PIWIL3: variants seen among roughly 807,000 people sequenced by gnomAD.
The protein encoded by PIWIL3 is piwi-like protein 3.
A neutral mutation model predicts 109.7 loss-of-function variants in PIWIL3; 101 were observed. The observed-to-expected ratio is 0.92, with a 90% CI of 0.78 to 1.09. The LOEUF (loss-of-function observed/expected upper bound fraction) is 1.09, where lower values mean the gene tolerates loss of function less well. Ranked by LOEUF, PIWIL3 falls within the 50% of genes least tolerant of loss-of-function variation. The pLI, the probability that PIWIL3 is intolerant of heterozygous loss-of-function variation, is 0.00. For synonymous variants in PIWIL3, 373 were observed against 376.4 expected, an observed-to-expected ratio of 0.99 and a Z score of 0.10; for missense variants, 1,031 against 1,072.6, an observed-to-expected ratio of 0.96 and a Z score of 0.54.
rs536970204 is a variant in PIWIL3, at chr22:24,732,680, G to A, written c.1707+1404C>T. 1.1e-4 allele frequency among the ~76,000 whole-genome samples: 17 copies of A among 152,218 alleles called. No homozygotes were observed. The South Asian group carries it at 3.5e-3, about 32-fold the overall frequency. The stretch of plus-strand genomic sequence containing the variant: ...CTACTAAAAATACAAAAAATTAGCC[G>A]GGTGTGGCGGCAGGCGCCTGTAGTC... On this transcript the variant is annotated intron_variant, in intron 14 of 20. Transcript: ENST00000616349.
rs57298578 is a variant in PIWIL3, at chr22:24,757,659, TACACACACACACAC to T, written c.355+235_355+248del. ...ACACATATATAAAATATGTATATAT[TACACACACACACAC>T]ACACACACACACACACACACACACA... On this transcript the variant is annotated intron_variant, in intron 4 of 20. Coordinates refer to ENST00000616349, the MANE Select transcript of PIWIL3 (RefSeq NM_001255975.1). Among the ~76,000 whole-genome samples, 107 of 109,874 alleles carry T rather than the reference TACACACACACACAC, an allele frequency of 9.7e-4. 1 individual carries two copies. Among genetic ancestry groups the T allele is most frequent in the Admixed American group, 4.6e-3 (49 of 10,742 alleles). 72.1% of individuals were successfully genotyped at this position (109,874 alleles called of 152,430 possible). A position where few individuals can be genotyped will look rare whatever the true frequency, so the allele number is the denominator to read the frequency against.
intron 1 of PIWIL3, among the ~76,000 whole-genome samples, chr22:24,771,776 C>T (rs1926146872): frequency 6.6e-6 from 1 of 151,988 alleles, no homozygotes; most frequent in Non-Finnish European, 1.5e-5. Flanking sequence ...CCCTGTCGCC[C>T]AGGCTGGAGT....
chr22:24,762,376 G>C (rs1198153010), intron 2 of PIWIL3, 22 bp downstream of exon 2: 3 of 1,600,554 alleles, frequency 1.9e-6, no homozygotes, highest in Non-Finnish European at 2.6e-6. Context: ...TTGCAGAAAG[G>C]AAACAACGTT....
intron 19 of PIWIL3, 63 bp downstream of exon 19, chr22:24,723,067 G>A (rs1922769700): frequency 6.5e-7 from 1 of 1,537,962 alleles, no homozygotes; most frequent in African/African-American, 1.4e-5. Flanking sequence ...TTAAGTGATT[G>A]TGCTGAACTG....
chr22:24,748,724 G>C (rs1212418220), intron 12 of PIWIL3, among the ~76,000 whole-genome samples, 183 bp downstream of exon 12: 1 of 152,116 alleles, frequency 6.6e-6, no homozygotes, highest in Non-Finnish European at 1.5e-5. Flanking sequence ...ATAATACAGA[G>C]CTTACTATGT....
chr22:24,723,661 G>A (rs961284158), intron 18 of PIWIL3, among the ~76,000 whole-genome samples: 2 of 152,146 alleles, frequency 1.3e-5, no homozygotes, highest in African/African-American at 4.8e-5. Flanking sequence ...TGAACTATTG[G>A]CAGACTATGT....
rs574210560 is a variant in PIWIL3 at position 24,740,303 on chromosome 22, C to T, written c.1450-4411G>A. On this transcript the variant is annotated intron_variant, in intron 12 of 20. Transcript: ENST00000616349. The stretch of plus-strand genomic sequence containing the variant: ...ATGGCCCACTCCTGTAATCCCAGCA[C>T]TTTGGGAGCCCGAGGCGGGTGGATC... 6.0e-5 allele frequency among the ~76,000 whole-genome samples: 9 copies of T among 150,146 alleles called. 1 individual carries two copies. The South Asian group carries it at 6.3e-4, about 11-fold the overall frequency.
At position 24,756,544 on chromosome 22, in the gene PIWIL3, G is replaced by T; in HGVS notation, c.517C>A (p.Arg173Ser). 1 of 1,614,058 alleles carries T rather than the reference G, an allele frequency of 6.2e-7. No individual in the cohort carries two copies. Among genetic ancestry groups the T allele is most frequent in the Non-Finnish European group, 8.5e-7 (1 of 1,179,962 alleles). Residue 173 changes from arginine (R) to serine (S), a missense_variant, in exon 5 of 21, where the codon CGC (arginine) becomes AGC (serine). Transcript: ENST00000616349. ...LDQHRRKFGE[R>S]HIFDGNSLLL... ...AAAGAGTTTCCATCAAATATATGGCGCTCTCCAAATTTCCTTCTATGTTGA... is the reference window on the plus strand; with the variant it reads ...AAAGAGTTTCCATCAAATATATGGCTCTCTCCAAATTTCCTTCTATGTTGA...
At chr22:24,739,099 A>T (rs1923830166) in intron 12 of PIWIL3, among the ~76,000 whole-genome samples, 1 of 152,106 alleles carries the variant, frequency 6.6e-6, no homozygotes, top group African/African-American at 2.4e-5. Context: ...AGAGTCTCTT[A>T]AGAGCAGAAT....
At chr22:24,737,659 A>T (rs1207956041) in intron 12 of PIWIL3, among the ~76,000 whole-genome samples, 1 of 152,202 alleles carries the variant, frequency 6.6e-6, no homozygotes. Context: ...CCCCAATCCC[A>T]GGCCTTGGCT....
At chr22:24,747,881 C>G (rs1924466117) in intron 12 of PIWIL3, among the ~76,000 whole-genome samples, 1 of 151,998 alleles carries the variant, frequency 6.6e-6, no homozygotes, top group Non-Finnish European at 1.5e-5. Context: ...GGAGGTTCCT[C>G]AAAACACTAA....
intron 8 of PIWIL3, 48 bp from the exon 9 acceptor site, chr22:24,751,546 G>C: frequency 6.3e-7 from 1 of 1,585,042 alleles, no homozygotes; most frequent in South Asian, 1.2e-5. Context: ...TCATCACATG[G>C]AACCATCCAC....
chr22:24,757,002 C>G (rs757512846), intron 4 of PIWIL3, among the ~76,000 whole-genome samples: 1 of 149,666 alleles, frequency 6.7e-6, no homozygotes, highest in Non-Finnish European at 1.5e-5. Flanking sequence ...TCACTTGAAC[C>G]CAGGAGGCAG....
chr22:24,751,594 A>G, intron 8 of PIWIL3, 96 bp from the exon 9 acceptor site: 1 of 1,521,400 alleles, frequency 6.6e-7, no homozygotes. Flanking sequence ...AAGGAATTGC[A>G]GAATATATTA....
At chr22:24,762,737 G>A (rs892000849) in intron 1 of PIWIL3, among the ~76,000 whole-genome samples, 4 of 152,154 alleles carry the variant, frequency 2.6e-5, no homozygotes, top group African/African-American at 4.8e-5. Context: ...CAAAAGTGGG[G>A]GAGAGATGTG....
intron 14 of PIWIL3, among the ~76,000 whole-genome samples, chr22:24,730,133 A>C (rs2147657758): frequency 6.6e-6 from 1 of 152,224 alleles, no homozygotes; most frequent in East Asian, 1.9e-4. Flanking sequence ...TTGGGATGCC[A>C]AAGTGGGCAG....
chr22:24,728,494 A>G, intron 14 of PIWIL3, 120 bp from the exon 15 acceptor site: 1 of 1,166,516 alleles, frequency 8.6e-7, no homozygotes, highest in Non-Finnish European at 1.2e-6. Context: ...ATTTATTAAG[A>G]AAATATATGA....
At position 24,754,204 on chromosome 22, in the gene PIWIL3, T is replaced by C. The variant is rs1303581342; in HGVS notation, c.787A>G (p.Ile263Val). Residue 263 changes from isoleucine to valine, a missense_variant, in exon 8 of 21, where the codon ATC becomes GTC. Ile to Val is a conservative substitution (Grantham distance 29, BLOSUM62 3). Coordinates refer to ENST00000616349, the MANE Select transcript of PIWIL3 (RefSeq NM_001255975.1). Reference protein sequence around the residue: ...QLYRHGTSLEIWLGYVTSVLQ... With the variant: ...QLYRHGTSLEVWLGYVTSVLQ... ...ACAGAAGTAACATAACCAAGCCAGA[T>C]TTCCAAACTGGTACTAGAATAAATT... 34 of 1,613,220 alleles carry C rather than the reference T, an allele frequency of 2.1e-5. No homozygotes were observed. Among genetic ancestry groups the C allele is most frequent in the Non-Finnish European group, 2.9e-5 (34 of 1,179,192 alleles).
intron 1 of PIWIL3, among the ~76,000 whole-genome samples, chr22:24,771,827 C>T (rs1340875310): frequency 6.6e-6 from 1 of 151,904 alleles, no homozygotes; most frequent in Non-Finnish European, 1.5e-5. Context: ...TCCACCTCCC[C>T]GGTTCAAGCA....
Sources: gnomAD v4.1 joint callset for allele counts (sites outside exome capture counted in the v4.1 genomes callset) on GRCh38, gnomAD v4.1.1 for gene constraint, MANE v1.5 for transcripts, NCBI Gene and HGNC (gene_info 2026-07-23, HGNC 2026-07-21) for gene names.